Variants in ANKRD36 observed in about 807,000 individuals in gnomAD.
ANKRD36 encodes the protein ankyrin repeat domain 36.
A neutral mutation model predicts 278.1 loss-of-function variants in ANKRD36; 179 were observed. The ratio of observed to expected loss-of-function variants is 0.64; its 90% CI spans 0.57 to 0.73. The LOEUF is 0.73. ANKRD36 is among the 30% of genes least tolerant of loss of function. The pLI, the probability that ANKRD36 is intolerant of heterozygous loss-of-function variation, is 0.00. For synonymous variants in ANKRD36, 320 were observed against 641.1 expected, an observed-to-expected ratio of 0.50 and a Z score of 7.57; for missense variants, 1,159 against 1,956.7, an observed-to-expected ratio of 0.59 and a Z score of 7.69.
At chr2:97,178,675 T>G (rs2055127080) in intron 22 of ANKRD36, among the ~76,000 whole-genome samples, 1 of 108,722 alleles carries the variant, frequency 9.2e-6, no homozygotes. Context: ...CTGGGGACTT[T>G]TGTGGGGTGG....
chr2:97,174,827 T>C (rs2053748267), intron 22 of ANKRD36, among the ~76,000 whole-genome samples: 1 of 151,874 alleles, frequency 6.6e-6, no homozygotes, highest in South Asian at 2.1e-4. Flanking sequence ...TGAGAGTTTT[T>C]AGCATGAAGG....
At chr2:97,216,786 C>G (rs544635539) in intron 62 of ANKRD36, 1 of 454,146 alleles carries the variant, frequency 2.2e-6, no homozygotes, top group African/African-American at 2.0e-5. Context: ...GGTGTAAATC[C>G]TTTTGATTTC....
chr2:97,181,778 C>A lies in ANKRD36; in HGVS notation c.1822C>A (p.Gln608Lys), dbSNP rs768992422. ...SNIATEIKKG[Q>K]QSGTVSPQKQ... ...TATAGCCACAGAAATAAAGAAGGGA[C>A]AACAATCTGGGACAGGTAATTTTGC... Residue 608 changes from glutamine to lysine, a missense_variant, in exon 26 of 76, where the codon CAA becomes AAA. By Grantham distance (53) the Gln-to-Lys change is moderately conservative. Transcript: ENST00000420699. The A allele has an allele frequency of 9.3e-6, 15 of 1,608,882 alleles. No individual in the cohort carries two copies. The highest frequency in any genetic ancestry group is 3.3e-5 in the South Asian group (3 of 90,838).
intron 42 of ANKRD36, 152 bp from the exon 43 acceptor site, chr2:97,198,311 T>G (rs1471015257): frequency 6.8e-7 from 1 of 1,472,046 alleles, no homozygotes; most frequent in Non-Finnish European, 9.2e-7. Flanking sequence ...CGTATTTCTG[T>G]CACGTTCTAG....
chr2:97,158,191 T>G, intron 16 of ANKRD36, 24 bp downstream of exon 16: 1 of 1,429,130 alleles, frequency 7.0e-7, no homozygotes. Flanking sequence ...AACCTGACTA[T>G]TATATTATCT....
chr2:97,211,393 G>C (rs1173599349), intron 56 of ANKRD36, among the ~76,000 whole-genome samples, 153 bp from the exon 57 acceptor site: 4 of 151,824 alleles, frequency 2.6e-5, no homozygotes, highest in Admixed American at 6.6e-5. Flanking sequence ...GTGTATTTCT[G>C]TCATGTTCTG....
chr2:97,185,049 A>T (rs1304615564), intron 28 of ANKRD36, among the ~76,000 whole-genome samples: 8 of 151,802 alleles, frequency 5.3e-5, no homozygotes, highest in African/African-American at 1.9e-4. Flanking sequence ...CATTCAGCAT[A>T]TTCACATTGA....
intron 6 of ANKRD36, among the ~76,000 whole-genome samples, chr2:97,137,130 G>T (rs936459563): frequency 2.0e-5 from 3 of 151,806 alleles, no homozygotes; most frequent in Non-Finnish European, 4.4e-5. Flanking sequence ...AAGGTCTAAG[G>T]CATGTACAAA....
chr2:97,151,813 T>C lies in ANKRD36; in HGVS notation c.1102-66T>C. 7.5e-6 allele frequency: 7 copies of C among 938,558 alleles called. No homozygotes were observed. In the South Asian group the frequency reaches 9.0e-5, roughly 12 times the overall value. 58.1% of individuals were successfully genotyped at this position (938,558 alleles called of 1,614,324 possible). The stretch of plus-strand genomic sequence containing the variant: ...CTTTTCCTGTTAGATCATGTAGTAA[T>C]GGTGGGTATTATCCTATTTTAACTT... On this transcript the variant is annotated intron_variant, in intron 12 of 75. Transcript: ENST00000420699.
intron 67 of ANKRD36, among the ~76,000 whole-genome samples, chr2:97,230,155 T>C (rs1262697627): frequency 6.6e-6 from 1 of 152,112 alleles, no homozygotes; most frequent in Non-Finnish European, 1.5e-5. Flanking sequence ...TGTGGCGTTG[T>C]CTGTATTTCT....
intron 26 of ANKRD36, among the ~76,000 whole-genome samples, chr2:97,182,527 A>G (rs1180617889): frequency 6.7e-6 from 1 of 149,138 alleles, no homozygotes; most frequent in African/African-American, 2.4e-5. Context: ...TTGCTTTTCA[A>G]TTAGCTAACT....
chr2:97,190,478 A>T (rs554604202), intron 34 of ANKRD36, among the ~76,000 whole-genome samples: 2 of 151,716 alleles, frequency 1.3e-5, no homozygotes, highest in African/African-American at 4.8e-5. Flanking sequence ...TCCACTGAAG[A>T]GATGCGAAGT....
intron 67 of ANKRD36, among the ~76,000 whole-genome samples, chr2:97,228,880 T>G (rs2070892009): frequency 6.6e-6 from 1 of 151,978 alleles, no homozygotes; most frequent in Non-Finnish European, 1.5e-5. Context: ...ATTTCTGCCT[T>G]CATTTTGTTA....
At chr2:97,207,240 T>G (rs1222341895) in intron 52 of ANKRD36, among the ~76,000 whole-genome samples, 1 of 151,390 alleles carries the variant, frequency 6.6e-6, no homozygotes, top group Non-Finnish European at 1.5e-5. Flanking sequence ...GGGTGAGAGA[T>G]AATGAATATT....
At chr2:97,230,097 A>T (rs1324398425) in intron 67 of ANKRD36, among the ~76,000 whole-genome samples, 1 of 152,184 alleles carries the variant, frequency 6.6e-6, no homozygotes, top group Admixed American at 6.5e-5. Flanking sequence ...AACTTTGGTG[A>T]ATCTGACAAT....
intron 67 of ANKRD36, among the ~76,000 whole-genome samples, chr2:97,230,451 T>G (rs2071550302): frequency 6.6e-6 from 1 of 152,116 alleles, no homozygotes; most frequent in African/African-American, 2.4e-5. Flanking sequence ...GCTTCTGCAC[T>G]CTTCACGTAG....
At chr2:97,199,434 C>A (rs1200494810) in intron 44 of ANKRD36, among the ~76,000 whole-genome samples, 14 of 151,886 alleles carry the variant, frequency 9.2e-5, no homozygotes, top group African/African-American at 3.1e-4. Flanking sequence ...GATAAAATAG[C>A]TATTTAATGA....
At chr2:97,177,260 A>T (rs572656505) in intron 22 of ANKRD36, among the ~76,000 whole-genome samples, 2 of 152,040 alleles carry the variant, frequency 1.3e-5, no homozygotes, top group South Asian at 2.1e-4. Context: ...GCCCAAGGTA[A>T]TTTACAGATT....
At chr2:97,204,593 T>G (rs1331401284) in intron 50 of ANKRD36, among the ~76,000 whole-genome samples, 1 of 151,256 alleles carries the variant, frequency 6.6e-6, no homozygotes, top group African/African-American at 2.4e-5. Context: ...AGAGAGGAAG[T>G]ATAGAATTAA....
Sources: gnomAD v4.1 joint callset for allele counts (sites outside exome capture counted in the v4.1 genomes callset) on GRCh38, gnomAD v4.1.1 for gene constraint, MANE v1.5 for transcripts, NCBI Gene and HGNC (gene_info 2026-07-23, HGNC 2026-07-21) for gene names.